SLC16A10: variants seen among roughly 807,000 people sequenced by gnomAD.
The protein encoded by SLC16A10 is solute carrier family 16 member 10.
Under a neutral mutation model 40.0 loss-of-function variants are expected in SLC16A10, and 27 were observed. The observed-to-expected ratio is 0.67, with a 90% CI of 0.50 to 0.93. The LOEUF (loss-of-function observed/expected upper bound fraction) is 0.93. SLC16A10 is among the 40% of genes least tolerant of loss of function. SLC16A10 has a pLI of 0.00. For synonymous variants in SLC16A10, 213 were observed against 249.8 expected (o/e 0.85, Z 1.39); for missense variants, 529 against 658.2 (o/e 0.80, Z 2.15).
chr6:111,170,362 T>A (rs971592710), intron 1 of SLC16A10, among the ~76,000 whole-genome samples: 9 of 152,248 alleles, frequency 5.9e-5, no homozygotes, highest in African/African-American at 1.9e-4. Flanking sequence ...AGATGTTAGT[T>A]GTCAGGCAAT....
intron 1 of SLC16A10, among the ~76,000 whole-genome samples, chr6:111,163,415 G>A (rs997968681): frequency 6.6e-6 from 1 of 152,042 alleles, no homozygotes; most frequent in African/African-American, 2.4e-5. Context: ...GCCTCCCAAA[G>A]TGCTGGGATT....
At chr6:111,163,539 T>C (rs1334217364) in intron 1 of SLC16A10, among the ~76,000 whole-genome samples, 1 of 152,252 alleles carries the variant, frequency 6.6e-6, no homozygotes, top group East Asian at 1.9e-4. Context: ...TATGTATTTT[T>C]CATTAAAATA....
intron 1 of SLC16A10, among the ~76,000 whole-genome samples, chr6:111,096,227 G>A (rs1175645200): frequency 6.6e-6 from 1 of 152,154 alleles, no homozygotes; most frequent in Non-Finnish European, 1.5e-5. Flanking sequence ...TCCTACTCAA[G>A]TCATCAGAAA....
chr6:111,167,826 G>A (rs1207432089), intron 1 of SLC16A10, among the ~76,000 whole-genome samples: 3 of 151,782 alleles, frequency 2.0e-5, no homozygotes, highest in Non-Finnish European at 4.4e-5. Flanking sequence ...GTGCTACCAT[G>A]CCCAGCTAGT....
chr6:111,173,528 G>A (rs1772626298), intron 2 of SLC16A10: 1 of 152,228 alleles, frequency 6.6e-6, no homozygotes, highest in Non-Finnish European at 1.5e-5. Context: ...AGCTGTGGGT[G>A]AGTAAGCAAA....
At chr6:111,206,559 A>G (rs779136009) in intron 3 of SLC16A10, 33 bp from the exon 4 acceptor site, 1 of 1,613,122 alleles carries the variant, frequency 6.2e-7, no homozygotes, top group African/African-American at 1.3e-5. Flanking sequence ...TTTCTACCAT[A>G]TTCAGTGTGG....
chr6:111,106,624 A>G (rs980671558), intron 1 of SLC16A10, among the ~76,000 whole-genome samples: 1 of 152,230 alleles, frequency 6.6e-6, no homozygotes, highest in African/African-American at 2.4e-5. Flanking sequence ...TCTTTGGATA[A>G]TCACTCTATT....
chr6:111,210,938 G>A (rs531313407), intron 4 of SLC16A10, among the ~76,000 whole-genome samples: 61 of 151,682 alleles, frequency 4.0e-4, no homozygotes, highest in African/African-American at 1.4e-3. Context: ...CAGGAGAGTC[G>A]CTTGAATCTG....
intron 5 of SLC16A10, among the ~76,000 whole-genome samples, chr6:111,219,565 C>T (rs1166886028): frequency 6.6e-6 from 1 of 151,626 alleles, no homozygotes; most frequent in Non-Finnish European, 1.5e-5. Context: ...CTAAATATGT[C>T]GGCTTTTGGT....
chr6:111,205,657 A>G (rs759138784), intron 3 of SLC16A10, among the ~76,000 whole-genome samples: 3 of 152,238 alleles, frequency 2.0e-5, no homozygotes, highest in Non-Finnish European at 4.4e-5. Context: ...CCTAGAGGTT[A>G]AGAAGTTATC....
At chr6:111,097,515 T>C (rs1403404656) in intron 1 of SLC16A10, among the ~76,000 whole-genome samples, 2 of 152,012 alleles carry the variant, frequency 1.3e-5, no homozygotes, top group African/African-American at 4.8e-5. Context: ...GGTTTCGCCA[T>C]GTTGGTCAGG....
intron 1 of SLC16A10, among the ~76,000 whole-genome samples, chr6:111,108,794 C>T (rs1054806035): frequency 6.6e-6 from 1 of 152,092 alleles, no homozygotes; most frequent in African/African-American, 2.4e-5. Flanking sequence ...TTATCATAAT[C>T]AAAATAATGC....
chr6:111,177,177 G>A, intron 2 of SLC16A10, 35 bp from the exon 3 acceptor site: 1 of 1,365,558 alleles, frequency 7.3e-7, no homozygotes, highest in Non-Finnish European at 9.7e-7. Flanking sequence ...TAACAATATT[G>A]AAAGCTGCTT....
intron 1 of SLC16A10, among the ~76,000 whole-genome samples, chr6:111,092,342 CAG>C (rs1770993651): frequency 9.6e-6 from 1 of 104,034 alleles, no homozygotes; most frequent in Non-Finnish European, 1.7e-5. Context: ...TTTTTTGAGA[CAG>C]ATTCTCACTC....
intron 1 of SLC16A10, among the ~76,000 whole-genome samples, chr6:111,166,458 A>C (rs1772475478): frequency 6.7e-6 from 1 of 148,640 alleles, no homozygotes; most frequent in Admixed American, 6.8e-5. Flanking sequence ...ACAGAAGTTG[A>C]TTAGCAAATT....
chr6:111,220,055 C>T (rs1201940980), intron 5 of SLC16A10, among the ~76,000 whole-genome samples: 2 of 152,178 alleles, frequency 1.3e-5, no homozygotes, highest in Non-Finnish European at 2.9e-5. Flanking sequence ...CCACTGCACT[C>T]CAGCCTGGGT....
At chr6:111,137,708 C>T (rs1276435336) in intron 1 of SLC16A10, among the ~76,000 whole-genome samples, 2 of 152,206 alleles carry the variant, frequency 1.3e-5, no homozygotes, top group African/African-American at 4.8e-5. Flanking sequence ...TGGCCAACCT[C>T]CCCAATAGTA....
At chr6:111,209,431 G>A (rs572934736) in intron 4 of SLC16A10, among the ~76,000 whole-genome samples, 2 of 152,280 alleles carry the variant, frequency 1.3e-5, no homozygotes, top group South Asian at 2.1e-4. Context: ...TCAATATGCA[G>A]TAGATCTAAG....
chr6:111,175,423 C>T (rs766768835), intron 2 of SLC16A10, among the ~76,000 whole-genome samples: 1 of 152,158 alleles, frequency 6.6e-6, no homozygotes, highest in Non-Finnish European at 1.5e-5. Flanking sequence ...TGTACAGGAA[C>T]TGATGTTCCT....
Sources: allele counts gnomAD v4.1 joint callset (sites outside exome capture counted in the v4.1 genomes callset), GRCh38; gene constraint gnomAD v4.1.1; transcripts MANE v1.5; gene names NCBI Gene and HGNC (gene_info 2026-07-23, HGNC 2026-07-21).